CHCHD3: variants seen among roughly 807,000 people sequenced by gnomAD.
CHCHD3 encodes the protein MICOS complex subunit MIC19.
CHCHD3 carries 20 observed loss-of-function variants against 38.2 expected under a neutral mutation model. That is an observed-to-expected ratio of 0.52 (90% confidence interval 0.37 to 0.76). The LOEUF is 0.76. Ranked by LOEUF, CHCHD3 falls within the 30% of genes least tolerant of loss-of-function variation. CHCHD3 has a pLI of 0.00. For synonymous variants in CHCHD3, 82 were observed against 100.0 expected (o/e 0.82, Z 1.07); for missense variants, 245 against 279.2 (o/e 0.88, Z 0.87).
At chr7:133,012,510 T>C (rs1288673275) in intron 3 of CHCHD3, among the ~76,000 whole-genome samples, 1 of 152,158 alleles carries the variant, frequency 6.6e-6, no homozygotes, top group African/African-American at 2.4e-5. Flanking sequence ...ACGCCTGTAA[T>C]CCTAACACTT....
At chr7:132,979,170 A>G (rs889144533) in intron 3 of CHCHD3, among the ~76,000 whole-genome samples, 1 of 152,216 alleles carries the variant, frequency 6.6e-6, no homozygotes, top group African/African-American at 2.4e-5. Context: ...TAAACATATT[A>G]TTCCTCATTC....
At chr7:132,869,891 C>G (rs1349442147) in intron 5 of CHCHD3, among the ~76,000 whole-genome samples, 1 of 151,666 alleles carries the variant, frequency 6.6e-6, no homozygotes, top group Non-Finnish European at 1.5e-5. Flanking sequence ...CAGAGAAATC[C>G]CATTTCATCA....
intron 2 of CHCHD3, among the ~76,000 whole-genome samples, chr7:133,050,899 C>T (rs2117500486): frequency 6.6e-6 from 1 of 152,130 alleles, no homozygotes; most frequent in South Asian, 2.1e-4. Context: ...GCCTGTAATC[C>T]CAGCTACTCA....
chr7:132,876,581 C>T (rs1808919968), intron 5 of CHCHD3, among the ~76,000 whole-genome samples: 1 of 152,088 alleles, frequency 6.6e-6, no homozygotes, highest in Non-Finnish European at 1.5e-5. Flanking sequence ...AAGTATGCAA[C>T]CCATATTGTT....
intron 6 of CHCHD3, among the ~76,000 whole-genome samples, chr7:132,799,094 A>T (rs962890498): frequency 1.3e-5 from 2 of 151,068 alleles, no homozygotes; most frequent in African/African-American, 4.9e-5. Flanking sequence ...TTCAATCTGT[A>T]TTAATGATTT....
intron 4 of CHCHD3, among the ~76,000 whole-genome samples, chr7:132,937,213 A>G (rs1390281033): frequency 6.6e-6 from 1 of 152,180 alleles, no homozygotes; most frequent in Non-Finnish European, 1.5e-5. Context: ...GATAAATATG[A>G]GAGGTTTAAA....
chr7:132,974,265 T>A (rs1811697522), intron 4 of CHCHD3, among the ~76,000 whole-genome samples: 1 of 152,202 alleles, frequency 6.6e-6, no homozygotes. Context: ...AAAGACAGAT[T>A]GATGGGTGTC....
chr7:132,935,733 T>C lies in CHCHD3; in HGVS notation c.369+39436A>G, dbSNP rs138521946. Among the ~76,000 whole-genome samples, 770 of 152,266 alleles carry C rather than the reference T, an allele frequency of 5.1e-3. 4 individuals are homozygous for C. Among genetic ancestry groups the C allele is most frequent in the Non-Finnish European group, 8.4e-3 (574 of 68,010 alleles). On this transcript the variant is annotated intron_variant, in intron 4 of 7. Transcript: ENST00000262570. ...ACTTTTCTAAGCTTCCTTTCTATCA[T>C]AGGGTGTTTAGTCAATTTCTGCTGC...
intron 6 of CHCHD3, among the ~76,000 whole-genome samples, chr7:132,822,769 GT>G (rs1807414705): frequency 6.6e-6 from 1 of 152,106 alleles, no homozygotes; most frequent in Non-Finnish European, 1.5e-5. Flanking sequence ...GTATGAGTTT[GT>G]TTCGCTGCAG....
At chr7:132,834,947 C>CATGT (rs1807739894) in intron 6 of CHCHD3, among the ~76,000 whole-genome samples, 1 of 147,294 alleles carries the variant, frequency 6.8e-6, no homozygotes, top group African/African-American at 2.5e-5. Flanking sequence ...TTTTTCCTCT[C>CATGT]ATTTATTTAT....
intron 1 of CHCHD3, among the ~76,000 whole-genome samples, chr7:133,076,775 TA>T (rs1562955678): frequency 2.6e-5 from 4 of 152,012 alleles, no homozygotes; most frequent in Admixed American, 2.0e-4. Flanking sequence ...GGTAACAGAG[TA>T]AAAAAAGAGG....
At chr7:132,835,164 T>TA (rs1261845431) in intron 6 of CHCHD3, among the ~76,000 whole-genome samples, 2 of 148,642 alleles carry the variant, frequency 1.3e-5, no homozygotes, top group Non-Finnish European at 1.5e-5. Context: ...TTTTTTTTTG[T>TA]AAAGACAGGG....
intron 1 of CHCHD3, among the ~76,000 whole-genome samples, chr7:133,076,148 G>A (rs1814986261): frequency 6.8e-6 from 1 of 148,074 alleles, no homozygotes; most frequent in Admixed American, 6.8e-5. Context: ...GCCTTTTCCT[G>A]TACAATGACC....
chr7:133,055,368 ATAAT>A (rs1157497504), intron 2 of CHCHD3, among the ~76,000 whole-genome samples: 4 of 145,246 alleles, frequency 2.8e-5, no homozygotes, highest in Non-Finnish European at 6.0e-5. Context: ...ATATTTGATT[ATAAT>A]TAATTATAAT....
At chr7:132,989,795 A>G (rs1320897121) in intron 3 of CHCHD3, among the ~76,000 whole-genome samples, 1 of 152,206 alleles carries the variant, frequency 6.6e-6, no homozygotes, top group African/African-American at 2.4e-5. Context: ...CTCTACTGAA[A>G]TGACCTATGG....
At chr7:132,865,896 C>T (rs1024979948) in intron 5 of CHCHD3, among the ~76,000 whole-genome samples, 1 of 152,092 alleles carries the variant, frequency 6.6e-6, no homozygotes, top group African/African-American at 2.4e-5. Context: ...GTCGTGACTG[C>T]CCTCAGCATT....
At chr7:132,980,508 G>C (rs1457364521) in intron 3 of CHCHD3, among the ~76,000 whole-genome samples, 1 of 152,118 alleles carries the variant, frequency 6.6e-6, no homozygotes, top group Non-Finnish European at 1.5e-5. Flanking sequence ...ATTCTCTAGA[G>C]TTTCAAGCAA....
chr7:132,975,427 A>T (rs1400992206), intron 3 of CHCHD3, 141 bp from the exon 4 acceptor site: 1 of 656,944 alleles, frequency 1.5e-6, no homozygotes, highest in Non-Finnish European at 2.5e-6. Flanking sequence ...TAATCTATCA[A>T]AAAAGCAGGT....
intron 4 of CHCHD3, chr7:132,973,661 T>C (rs1811668898): frequency 9.8e-7 from 1 of 1,022,696 alleles, no homozygotes; most frequent in Non-Finnish European, 1.2e-6. Flanking sequence ...GGACCCCAGA[T>C]TTGTCACTGA....
Sources: gnomAD v4.1 joint callset for allele counts (sites outside exome capture counted in the v4.1 genomes callset) on GRCh38, gnomAD v4.1.1 for gene constraint, MANE v1.5 for transcripts, NCBI Gene and HGNC (gene_info 2026-07-23, HGNC 2026-07-21) for gene names.